NALF1: variants seen among roughly 807,000 people sequenced by gnomAD.
NALF1 encodes the protein NALCN channel auxiliary factor 1.
NALF1 carries 3 observed loss-of-function variants against 48.4 expected under a neutral mutation model. That is an observed-to-expected ratio of 0.06 (90% CI 0.03 to 0.16). NALF1 has a LOEUF of 0.16. Among genes scored for constraint, NALF1 ranks in the 10% least tolerant of loss-of-function variants. NALF1 has a pLI of 1.00. For missense variants in NALF1, 526 were observed against 571.5 expected, an observed-to-expected ratio of 0.92 and a Z score of 0.81; for synonymous variants, 262 against 245.7, an observed-to-expected ratio of 1.07 and a Z score of -0.62.
At chr13:107,482,867 C>A (rs1246671905) in intron 1 of NALF1, among the ~76,000 whole-genome samples, 1 of 152,184 alleles carries the variant, frequency 6.6e-6, no homozygotes, top group Non-Finnish European at 1.5e-5. Context: ...ATATGTAAAT[C>A]ACAAGCTACT....
chr13:107,638,733 A>G (rs138642912), intron 1 of NALF1, among the ~76,000 whole-genome samples: 1 of 152,282 alleles, frequency 6.6e-6, no homozygotes, highest in Non-Finnish European at 1.5e-5. Context: ...CATTCAGAAG[A>G]CAGCTATCTG....
At chr13:107,819,170 G>A (rs1879278905) in intron 1 of NALF1, among the ~76,000 whole-genome samples, 1 of 140,914 alleles carries the variant, frequency 7.1e-6, no homozygotes, top group Non-Finnish European at 1.5e-5. Context: ...AGTAGGCTCT[G>A]AATAAATATC....
intron 1 of NALF1, among the ~76,000 whole-genome samples, chr13:107,613,046 C>T (rs534887752): frequency 6.6e-6 from 1 of 151,546 alleles, no homozygotes; most frequent in Non-Finnish European, 1.5e-5. Context: ...GTCCCGCCTC[C>T]CCTGGAGGAA....
chr13:107,202,087 C>T (rs904561369), intron 2 of NALF1, among the ~76,000 whole-genome samples: 3 of 152,220 alleles, frequency 2.0e-5, no homozygotes, highest in Non-Finnish European at 2.9e-5. Context: ...AGTTTTATTC[C>T]TAACTGAACT....
chr13:107,328,413 T>G (rs1446422686), intron 1 of NALF1, among the ~76,000 whole-genome samples: 1 of 152,192 alleles, frequency 6.6e-6, no homozygotes, highest in Non-Finnish European at 1.5e-5. Context: ...AAACAAACTT[T>G]TCTTGTACTT....
chr13:107,282,109 C>T (rs556199847), intron 1 of NALF1, among the ~76,000 whole-genome samples: 11 of 152,182 alleles, frequency 7.2e-5, no homozygotes, highest in Non-Finnish European at 1.0e-4. Context: ...GAGGAAGCAG[C>T]GAAGGACATA....
chr13:107,616,847 C>A (rs1879393430), intron 1 of NALF1, among the ~76,000 whole-genome samples: 1 of 152,150 alleles, frequency 6.6e-6, no homozygotes, highest in African/African-American at 2.4e-5. Flanking sequence ...TCCACCTGCT[C>A]CTGGATGACA....
intron 1 of NALF1, among the ~76,000 whole-genome samples, chr13:107,336,482 A>T (rs2138929235): frequency 6.6e-6 from 1 of 152,178 alleles, no homozygotes; most frequent in South Asian, 2.1e-4. Context: ...ATCTATATTT[A>T]TTTGTTGATT....
chr13:107,506,992 G>GA (rs1452189090), intron 1 of NALF1, among the ~76,000 whole-genome samples: 1 of 151,618 alleles, frequency 6.6e-6, no homozygotes, highest in Non-Finnish European at 1.5e-5. Context: ...TAATTATCAG[G>GA]AAAAATTATC....
At chr13:107,516,096 T>C (rs1227047284) in intron 1 of NALF1, among the ~76,000 whole-genome samples, 1 of 152,158 alleles carries the variant, frequency 6.6e-6, no homozygotes, top group Non-Finnish European at 1.5e-5. Flanking sequence ...ATTTAGGGTT[T>C]CAATATTAAC....
rs189829529 is a variant in NALF1, at chr13:107,336,948, C to T, written c.916-126193G>A. Among the ~76,000 whole-genome samples, 151 of 147,576 alleles carry T rather than the reference C, an allele frequency of 1.0e-3. 1 individual carries two copies. The highest frequency in any genetic ancestry group is 3.6e-3 in the African/African-American group (143 of 39,998). ...AATTGAATGAAAAGAAAAGCCCCCC[C>T]AAAATGACAGAAATCTCTGTTAGAA... On this transcript the variant is annotated intron_variant, in intron 1 of 2. Coordinates refer to ENST00000375915, the MANE Select transcript of NALF1 (RefSeq NM_001080396.3).
At chr13:107,756,478 G>T (rs1397637771) in intron 1 of NALF1, among the ~76,000 whole-genome samples, 1 of 144,116 alleles carries the variant, frequency 6.9e-6, no homozygotes, top group East Asian at 2.1e-4. Context: ...ACAAATGCAT[G>T]TAAAACATAA....
chr13:107,435,321 T>C (rs1884446442), intron 1 of NALF1, among the ~76,000 whole-genome samples: 1 of 136,034 alleles, frequency 7.4e-6, no homozygotes, highest in Non-Finnish European at 1.7e-5. Flanking sequence ...ATCTTAGAGG[T>C]TGATTAGAAA....
At chr13:107,752,501 T>C (rs1031559526) in intron 1 of NALF1, among the ~76,000 whole-genome samples, 1 of 152,118 alleles carries the variant, frequency 6.6e-6, no homozygotes, top group Admixed American at 6.6e-5. Context: ...GGTGTGGGTG[T>C]GTGTGTAATG....
chr13:107,507,224 G>C (rs1010480831), intron 1 of NALF1, among the ~76,000 whole-genome samples: 4 of 152,064 alleles, frequency 2.6e-5, no homozygotes, highest in African/African-American at 9.7e-5. Context: ...CATTTTATTA[G>C]GGATTTTCTA....
chr13:107,241,615 A>G (rs1880472561), intron 1 of NALF1, among the ~76,000 whole-genome samples: 1 of 152,234 alleles, frequency 6.6e-6, no homozygotes, highest in African/African-American at 2.4e-5. Flanking sequence ...GTGAGGATTT[A>G]AGGATCGATA....
At chr13:107,412,826 TA>T (rs945006697) in intron 1 of NALF1, among the ~76,000 whole-genome samples, 8 of 152,204 alleles carry the variant, frequency 5.3e-5, no homozygotes, top group Non-Finnish European at 8.8e-5. Context: ...CTTGGCGTAA[TA>T]AAGTTGTCTT....
At chr13:107,503,175 A>G (rs959626828) in intron 1 of NALF1, among the ~76,000 whole-genome samples, 5 of 152,198 alleles carry the variant, frequency 3.3e-5, no homozygotes, top group African/African-American at 1.2e-4. Flanking sequence ...TGCCCAGTTC[A>G]TTCTTTAAGG....
chr13:107,665,807 A>T (rs968660107), intron 1 of NALF1, among the ~76,000 whole-genome samples: 6 of 152,154 alleles, frequency 3.9e-5, no homozygotes, highest in Admixed American at 3.3e-4. Context: ...ATAAAAATGA[A>T]AAAGATAAAC....
Sources: gnomAD v4.1 joint callset for allele counts (sites outside exome capture counted in the v4.1 genomes callset) on GRCh38, gnomAD v4.1.1 for gene constraint, MANE v1.5 for transcripts, NCBI Gene and HGNC (gene_info 2026-07-23, HGNC 2026-07-21) for gene names.